Variants in TMEM43 observed in about 807,000 individuals in gnomAD.
The protein encoded by TMEM43 is arrhythmogenic right ventricular dysplasia 5.
In TMEM43, 45 loss-of-function variants were observed where a neutral mutation model predicts 49.6. The observed-to-expected ratio is 0.91, with a 90% CI of 0.71 to 1.16. TMEM43 has a LOEUF of 1.16. TMEM43 is among the 50% of genes most tolerant of loss of function. The pLI, the probability that TMEM43 is intolerant of heterozygous loss-of-function variation, is 0.00. For missense variants in TMEM43, 532 were observed against 516.6 expected (o/e 1.03, Z -0.29); for synonymous variants, 199 against 207.8 (o/e 0.96, Z 0.36).
intron 2 of TMEM43, among the ~76,000 whole-genome samples, chr3:14,130,145 C>T (rs1559360300): frequency 6.6e-6 from 1 of 151,386 alleles, no homozygotes; most frequent in Non-Finnish European, 1.5e-5. Flanking sequence ...TTTAATAGGG[C>T]CTCATGATGC....
chr3:14,141,897 T>C lies in TMEM43; in HGVS notation c.*102T>C. 1 of 1,275,868 alleles carries C rather than the reference T, an allele frequency of 7.8e-7. No homozygotes were observed. Among genetic ancestry groups the C allele is most frequent in the South Asian group, 1.4e-5 (1 of 73,966 alleles). 79.0% of individuals were successfully genotyped at this position (1,275,868 alleles called of 1,614,324 possible). Reference sequence around the variant, plus strand: ...GCCAGAGCAGGAGCCCCGGTCAATTTTGGACTCTGCACTCCCTCTCCTCTT... The same window carrying C: ...GCCAGAGCAGGAGCCCCGGTCAATTCTGGACTCTGCACTCCCTCTCCTCTT... On this transcript the variant is annotated 3_prime_UTR_variant, in exon 12 of 12. Transcript: ENST00000306077.
In TMEM43 at chr3:14,135,910, T is replaced by A; in HGVS notation, c.882+2T>A. The A allele has an allele frequency of 6.2e-7, 1 of 1,612,838 alleles. No homozygotes were observed. The highest frequency in any genetic ancestry group is 8.5e-7 in the Non-Finnish European group (1 of 1,178,820). ...CACCACGGGGACTTCTCAGCAGAGG[T>A]GAGTGCTGTGCCCTACTCGTACGGT... On this transcript the variant is annotated splice_donor_variant, in intron 10 of 11. Transcript: ENST00000306077. LOFTEE classifies it high-confidence loss of function.
At position 14,136,244 on chromosome 3, in the gene TMEM43, A is replaced by C. The variant is rs75263282; in HGVS notation, c.882+336A>C. On this transcript the variant is annotated intron_variant, in intron 10 of 11. Transcript: ENST00000306077. ...CAATGCAACCCGTCACATGGGGTCA[A>C]GTGTGGGATTTCCACTAGTGGCGTC... 0.023 allele frequency among the ~76,000 whole-genome samples: 3,540 copies of C among 152,318 alleles called. 134 individuals are homozygous for C. The highest frequency in any genetic ancestry group is 0.08 in the African/African-American group (3,328 of 41,558).
At chr3:14,128,324 T>C (rs1695045439) in intron 1 of TMEM43, among the ~76,000 whole-genome samples, 1 of 152,170 alleles carries the variant, frequency 6.6e-6, no homozygotes, top group Admixed American at 6.5e-5. Flanking sequence ...CAGAAATGCC[T>C]ACCTCCAAGC....
Position 14,137,490 on chromosome 3 carries a change from CA to C in TMEM43, c.882+1583del, listed in dbSNP as rs1425682299. Reference sequence around the variant, plus strand: ...ACCCCCTGGGTCTCCTGCTGCTTAGCAGCCCCAAAGCCCTGTCTTCCCCCAG... The same window carrying C: ...ACCCCCTGGGTCTCCTGCTGCTTAGCGCCCCAAAGCCCTGTCTTCCCCCAG... On this transcript the variant is annotated intron_variant, in intron 10 of 11. Coordinates refer to ENST00000306077, the MANE Select transcript of TMEM43 (RefSeq NM_024334.3). 1.2e-4 allele frequency among the ~76,000 whole-genome samples: 18 copies of C among 151,500 alleles called. 1 individual carries two copies. The highest frequency in any genetic ancestry group is 2.6e-4 in the Admixed American group (4 of 15,282).
chr3:14,127,780 C>A (rs1362794215), intron 1 of TMEM43, among the ~76,000 whole-genome samples: 1 of 152,180 alleles, frequency 6.6e-6, no homozygotes, highest in Non-Finnish European at 1.5e-5. Context: ...TCATGGACAT[C>A]TGGTCACTGG....
intron 1 of TMEM43, among the ~76,000 whole-genome samples, chr3:14,126,660 G>T (rs1389864579): frequency 6.6e-6 from 1 of 152,160 alleles, no homozygotes; most frequent in Non-Finnish European, 1.5e-5. Flanking sequence ...GTCCTTGCAG[G>T]GTAGCACAAA....
intron 4 of TMEM43, 148 bp downstream of exon 4, chr3:14,131,822 T>G (rs2124988082): frequency 1.4e-6 from 1 of 706,062 alleles, no homozygotes; most frequent in African/African-American, 1.8e-5. Flanking sequence ...ATCCCCAAAT[T>G]AATAGCCAGT....
chr3:14,141,243 A>T (rs7638190), intron 11 of TMEM43, among the ~76,000 whole-genome samples: 3,313 of 152,248 alleles, frequency 0.022, 72 homozygotes, highest in African/African-American at 0.059. Flanking sequence ...CTCTTGTATG[A>T]GTGTGCAGGA....
rs1695274586 is a variant in TMEM43, at chr3:14,143,124, A to C, written c.*1329A>C. 6.6e-6 allele frequency: 1 copy of C among 152,190 alleles called. No homozygotes were observed. The highest frequency in any genetic ancestry group is 2.1e-4 in the South Asian group (1 of 4,832). 9.4% of individuals were successfully genotyped at this position (152,190 alleles called of 1,614,324 possible). ...AGTCACAGAATTTCTAAGTTCCCCA[A>C]CTACTCTCACACCCTTTTAAAGATA... On this transcript the variant is annotated 3_prime_UTR_variant, in exon 12 of 12. Coordinates refer to ENST00000306077, the MANE Select transcript of TMEM43 (RefSeq NM_024334.3).
intron 1 of TMEM43, chr3:14,128,940 G>C: frequency 2.2e-6 from 1 of 456,474 alleles, no homozygotes; most frequent in South Asian, 1.5e-5. Context: ...ATACTACTCA[G>C]CCATGAAAAG....
In TMEM43 at chr3:14,125,074, G is replaced by A. The variant is rs939549729; in HGVS notation, c.-120G>A. ...ACTGCAGTAAGTCCCGCTTGGCCCTGGAGTCCACGCGGATTTTCGAAGCTG... is the reference window on the plus strand; with the variant it reads ...ACTGCAGTAAGTCCCGCTTGGCCCTAGAGTCCACGCGGATTTTCGAAGCTG... On this transcript the variant is annotated 5_prime_UTR_variant, in exon 1 of 12. Coordinates refer to ENST00000306077, the MANE Select transcript of TMEM43 (RefSeq NM_024334.3). 2 of 1,311,502 alleles carry A rather than the reference G, an allele frequency of 1.5e-6. No homozygotes were observed. The highest frequency in any genetic ancestry group is 2.9e-5 in the African/African-American group (2 of 69,006). 81.2% of individuals were successfully genotyped at this position (1,311,502 alleles called of 1,614,324 possible). A position where few individuals can be genotyped will look rare whatever the true frequency, so the allele number is the denominator to read the frequency against.
chr3:14,143,580 C>T lies in TMEM43; in HGVS notation c.*1785C>T, dbSNP rs538615521. On this transcript the variant is annotated 3_prime_UTR_variant, in exon 12 of 12. Transcript: ENST00000306077. The stretch of plus-strand genomic sequence containing the variant: ...GCCGACTTCAAAAGTGTTCTTAAAA[C>T]GAAAGATAATGTTAAGAAAAATTTG... The T allele has an allele frequency of 9.2e-5, 14 of 152,174 alleles. No homozygotes were observed. Among genetic ancestry groups the T allele is most frequent in the South Asian group, 6.2e-4 (3 of 4,824 alleles). The allele number at this position is 152,174 out of a possible 1,614,324, so 9.4% of individuals were successfully genotyped here. A position where few individuals can be genotyped will look rare whatever the true frequency, so the allele number is the denominator to read the frequency against.
At chr3:14,132,377 G>C (rs1695108016) in intron 4 of TMEM43, among the ~76,000 whole-genome samples, 169 bp from the exon 5 acceptor site, 1 of 152,228 alleles carries the variant, frequency 6.6e-6, no homozygotes, top group Non-Finnish European at 1.5e-5. Flanking sequence ...GGAGCTGGCT[G>C]TCTGTCAGGA....
chr3:14,142,029 A>G lies in TMEM43; in HGVS notation c.*234A>G. The G allele has an allele frequency of 1.7e-6, 1 of 573,884 alleles. No individual in the cohort carries two copies. The highest frequency in any genetic ancestry group is 4.7e-4 in the Middle Eastern group (1 of 2,110). 35.5% of individuals were successfully genotyped at this position (573,884 alleles called of 1,614,324 possible). On this transcript the variant is annotated 3_prime_UTR_variant, in exon 12 of 12. Coordinates refer to ENST00000306077, the MANE Select transcript of TMEM43 (RefSeq NM_024334.3). ...CAGCTTTGGTGGGCAGCAGCAGCTC[A>G]TGAATGGCAAGCTGACAGCTTCTCC...
intron 10 of TMEM43, among the ~76,000 whole-genome samples, chr3:14,137,474 G>C (rs1023664528): frequency 6.6e-6 from 1 of 152,152 alleles, no homozygotes; most frequent in African/African-American, 2.4e-5. Flanking sequence ...TACCCCCTGG[G>C]TCTCCTGCTG....
rs1258283053 is a variant in TMEM43 at position 14,142,423 on chromosome 3, A to C, written c.*628A>C. The C allele has an allele frequency of 6.5e-6, 1 of 154,014 alleles. No homozygotes were observed. Among genetic ancestry groups the C allele is most frequent in the African/African-American group, 2.4e-5 (1 of 41,460 alleles). 9.5% of individuals were successfully genotyped at this position (154,014 alleles called of 1,614,324 possible). A position where few individuals can be genotyped will look rare whatever the true frequency, so the allele number is the denominator to read the frequency against. The stretch of plus-strand genomic sequence containing the variant: ...AAGCTGGACATATACTGGGCTTCAC[A>C]CTTATCTTATGGCTTGGCAGAATCT... On this transcript the variant is annotated 3_prime_UTR_variant, in exon 12 of 12. Coordinates refer to ENST00000306077, the MANE Select transcript of TMEM43 (RefSeq NM_024334.3).
At chr3:14,132,002 T>A (rs1695102574) in intron 4 of TMEM43, among the ~76,000 whole-genome samples, 1 of 152,088 alleles carries the variant, frequency 6.6e-6, no homozygotes, top group South Asian at 2.1e-4. Context: ...CCCCACTGCA[T>A]CTCTCTGTGT....
At chr3:14,135,998 G>T (rs543703080) in intron 10 of TMEM43, 90 bp downstream of exon 10, 5 of 1,092,428 alleles carry the variant, frequency 4.6e-6, no homozygotes, top group African/African-American at 1.5e-5. Flanking sequence ...ACTACCAGGG[G>T]TCATAGCCAG....
Sources: allele counts gnomAD v4.1 joint callset (sites outside exome capture counted in the v4.1 genomes callset), GRCh38; gene constraint gnomAD v4.1.1; transcripts MANE v1.5; gene names NCBI Gene and HGNC (gene_info 2026-07-23, HGNC 2026-07-21).